The following NEO1 variants were observed in gnomAD, a reference collection of about 807,000 sequenced individuals.
The protein encoded by NEO1 is neogenin 1.
Under a neutral mutation model 159.7 loss-of-function variants are expected in NEO1, and 63 were observed. The ratio of observed to expected loss-of-function variants is 0.39; its 90% confidence interval spans 0.32 to 0.49. NEO1 has a LOEUF of 0.49. NEO1 is among the 20% of genes least tolerant of loss of function. NEO1 has a pLI of 0.85. For synonymous variants in NEO1, 633 were observed against 662.0 expected, an observed-to-expected ratio of 0.96 and a Z score of 0.67; for missense variants, 1,615 against 1,831.0, an observed-to-expected ratio of 0.88 and a Z score of 2.15.
At chr15:73,110,988 G>GA (rs961810148) in intron 1 of NEO1, among the ~76,000 whole-genome samples, 5 of 151,592 alleles carry the variant, frequency 3.3e-5, no homozygotes, top group Admixed American at 2.0e-4. Context: ...TTTTGTTACT[G>GA]AAAAAAAAGA....
At chr15:73,134,292 G>A (rs1457054588) in intron 4 of NEO1, among the ~76,000 whole-genome samples, 1 of 152,134 alleles carries the variant, frequency 6.6e-6, no homozygotes, top group Admixed American at 6.6e-5. Context: ...TTTCTGATAG[G>A]AAGGTTGCTT....
At chr15:73,055,831 C>A (rs1406000638) in intron 1 of NEO1, among the ~76,000 whole-genome samples, 1 of 152,182 alleles carries the variant, frequency 6.6e-6, no homozygotes, top group Admixed American at 6.5e-5. Context: ...TCCACTTGCC[C>A]AAGCTGAGAT....
At chr15:73,086,403 A>T (rs2069360420) in intron 1 of NEO1, among the ~76,000 whole-genome samples, 1 of 151,952 alleles carries the variant, frequency 6.6e-6, no homozygotes, top group African/African-American at 2.4e-5. Flanking sequence ...TTGTTTAGCT[A>T]TTCTACTTTC....
In NEO1 at chr15:73,236,388, G is replaced by T; in HGVS notation, c.1333G>T (p.Val445Phe). 1 of 1,614,160 alleles carries T rather than the reference G, an allele frequency of 6.2e-7. No homozygotes were observed. Among genetic ancestry groups the T allele is most frequent in the Non-Finnish European group, 8.5e-7 (1 of 1,180,024 alleles). ...TGPLPSAPRD[V>F]VASLVSTRFI... ...ACCACTGCCTTCAGCTCCTCGGGAT[G>T]TCGTGGCCTCCCTGGTCTCTACCCG... Residue 445 changes from valine (V) to phenylalanine (F), a missense_variant, in exon 8 of 29, where the codon GTC becomes TTC. Physicochemically the swap from Val to Phe is conservative, Grantham distance 50. Around this residue, in one of 3 missense-constraint regions of NEO1, gnomAD observed 1,018 missense variants for 1,115.4 expected, o/e 0.91. Transcript: ENST00000261908.
At position 73,137,223 on chromosome 15, in the gene NEO1, A is replaced by G. The variant is rs188574278; in HGVS notation, c.1015+1196A>G. Among the ~76,000 whole-genome samples, 30 of 152,322 alleles carry G rather than the reference A, an allele frequency of 2.0e-4. 1 individual carries two copies. In the East Asian group the frequency reaches 4.2e-3, roughly 22 times the overall value. On this transcript the variant is annotated intron_variant, in intron 5 of 28. Coordinates refer to ENST00000261908, the MANE Select transcript of NEO1 (RefSeq NM_002499.4). ...AGATTGGCAACCAAGTGAATAATGT[A>G]TGCTATCTCATAGATAATTACTGGA... is the stretch of plus-strand genomic sequence containing the variant.
chr15:73,092,477 A>G (rs1304254190), intron 1 of NEO1, among the ~76,000 whole-genome samples: 1 of 152,182 alleles, frequency 6.6e-6, no homozygotes. Context: ...TATATTAAAT[A>G]CAGCATTTAG....
At chr15:73,156,958 T>C (rs1194206014) in intron 5 of NEO1, among the ~76,000 whole-genome samples, 2 of 152,148 alleles carry the variant, frequency 1.3e-5, no homozygotes, top group African/African-American at 4.8e-5. Flanking sequence ...AGTCTTAACA[T>C]GGGTATGGAG....
chr15:73,165,447 A>G (rs1044214129), intron 5 of NEO1, among the ~76,000 whole-genome samples: 2 of 152,236 alleles, frequency 1.3e-5, no homozygotes, highest in African/African-American at 4.8e-5. Context: ...AGAAAAATCC[A>G]ACTGTAGAAC....
chr15:73,101,472 GATCTGCAA>G (rs1458255187), intron 1 of NEO1, among the ~76,000 whole-genome samples: 1 of 152,148 alleles, frequency 6.6e-6, no homozygotes, highest in East Asian at 1.9e-4. Context: ...TTTGTACTCT[GATCTGCAA>G]ATTGCAGCCA....
At chr15:73,077,053 A>G (rs2068802873) in intron 1 of NEO1, among the ~76,000 whole-genome samples, 1 of 152,116 alleles carries the variant, frequency 6.6e-6, no homozygotes, top group Non-Finnish European at 1.5e-5. Flanking sequence ...TAATTAATTT[A>G]TTTATTTTGA....
At chr15:73,216,296 T>C (rs1596365760) in intron 7 of NEO1, among the ~76,000 whole-genome samples, 1 of 152,282 alleles carries the variant, frequency 6.6e-6, no homozygotes, top group South Asian at 2.1e-4. Flanking sequence ...TATTCCATGG[T>C]GTATATGTGC....
intron 1 of NEO1, among the ~76,000 whole-genome samples, chr15:73,064,725 C>G (rs913286331): frequency 6.6e-6 from 1 of 152,120 alleles, no homozygotes; most frequent in South Asian, 2.1e-4. Context: ...CCTTGGCCCC[C>G]CAAAGTGCTG....
At chr15:73,228,093 A>G (rs2038694815) in intron 7 of NEO1, among the ~76,000 whole-genome samples, 1 of 152,230 alleles carries the variant, frequency 6.6e-6, no homozygotes, top group South Asian at 2.1e-4. Flanking sequence ...CTTTTGCTCA[A>G]AACACCTGAG....
chr15:73,141,939 A>G lies in NEO1; in HGVS notation c.1015+5912A>G, dbSNP rs764246990. Among the ~76,000 whole-genome samples the G allele has an allele frequency of 6.1e-4, 93 of 152,348 alleles. 1 individual carries two copies. The Middle Eastern group carries it at 0.027, about 45-fold the overall frequency. ...TTTCAGCGTTAACTGGAGAGGCACCACAGAGGAGTGATTGAGAGCAATCTT... is the reference window on the plus strand; with the variant it reads ...TTTCAGCGTTAACTGGAGAGGCACCGCAGAGGAGTGATTGAGAGCAATCTT... On this transcript the variant is annotated intron_variant, in intron 5 of 28. Coordinates refer to ENST00000261908, the MANE Select transcript of NEO1 (RefSeq NM_002499.4).
chr15:73,273,145 A>AGG (rs1379503807), intron 19 of NEO1, among the ~76,000 whole-genome samples: 1 of 151,898 alleles, frequency 6.6e-6, no homozygotes, highest in Non-Finnish European at 1.5e-5. Flanking sequence ...TCCACAGTAG[A>AGG]GGGGACACTC....
At chr15:73,088,785 C>G (rs1295804374) in intron 1 of NEO1, among the ~76,000 whole-genome samples, 3 of 151,918 alleles carry the variant, frequency 2.0e-5, no homozygotes, top group Non-Finnish European at 2.9e-5. Flanking sequence ...TGGGGACATT[C>G]AAAAGAGAGC....
intron 16 of NEO1, among the ~76,000 whole-genome samples, chr15:73,268,412 A>G: frequency 6.6e-6 from 1 of 152,350 alleles, no homozygotes; most frequent in East Asian, 1.9e-4. Context: ...CATATAAGAA[A>G]AAAAATTTCT....
intron 4 of NEO1, among the ~76,000 whole-genome samples, chr15:73,128,302 G>A (rs908449693): frequency 6.7e-6 from 1 of 150,340 alleles, no homozygotes; most frequent in Non-Finnish European, 1.5e-5. Context: ...AAAATGTGAA[G>A]TTCTTACAGT....
At chr15:73,150,487 A>G (rs1208904538) in intron 5 of NEO1, among the ~76,000 whole-genome samples, 1 of 152,158 alleles carries the variant, frequency 6.6e-6, no homozygotes, top group African/African-American at 2.4e-5. Flanking sequence ...TTCAGTTGAC[A>G]TTTTACTGTA....
Sources: gnomAD v4.1 joint callset for allele counts (sites outside exome capture counted in the v4.1 genomes callset) on GRCh38, gnomAD v4.1.1 for gene constraint, gnomAD v4.1.1 regional missense constraint, MANE v1.5 for transcripts, NCBI Gene and HGNC (gene_info 2026-07-23, HGNC 2026-07-21) for gene names.